Variants in SORCS3 observed in about 807,000 individuals in gnomAD.
SORCS3 encodes the protein VPS10 domain-containing receptor SorCS3.
SORCS3 carries 57 observed loss-of-function variants against 146.3 expected under a neutral mutation model. That is an observed-to-expected ratio of 0.39 (90% CI 0.31 to 0.49). SORCS3 has a LOEUF of 0.49. SORCS3 is among the 20% of genes least tolerant of loss of function. The pLI is 0.92. For synonymous variants in SORCS3, 653 were observed against 618.5 expected, an observed-to-expected ratio of 1.06 and a Z score of -0.83; for missense variants, 1,341 against 1,575.5, an observed-to-expected ratio of 0.85 and a Z score of 2.52.
chr10:104,730,351 C>T (rs2016692038), intron 1 of SORCS3, among the ~76,000 whole-genome samples: 1 of 152,200 alleles, frequency 6.6e-6, no homozygotes, highest in Admixed American at 6.5e-5. Flanking sequence ...TGATCTTCTG[C>T]CTCCCCGTCT....
intron 4 of SORCS3, among the ~76,000 whole-genome samples, chr10:104,999,729 C>A (rs2055049599): frequency 6.6e-6 from 1 of 152,162 alleles, no homozygotes; most frequent in Admixed American, 6.6e-5. Flanking sequence ...CAGACACATA[C>A]AAAGAGTTTG....
At chr10:105,036,367 T>C (rs2055306779) in intron 4 of SORCS3, among the ~76,000 whole-genome samples, 1 of 152,150 alleles carries the variant, frequency 6.6e-6, no homozygotes, top group Non-Finnish European at 1.5e-5. Context: ...TTTCTTCCCA[T>C]CTAAGTTTTG....
In SORCS3 at chr10:105,214,704, T is replaced by C. The variant is rs2056655214; in HGVS notation, c.2547+91T>C. On this transcript the variant is annotated intron_variant, in intron 18 of 26. Transcript: ENST00000369701. ...AAGATCTTACATTCCCACAGACCCC[T>C]GCACCAAAGTCAATGGTGAGAAGCT... 3.2e-6 allele frequency: 4 copies of C among 1,235,462 alleles called. No homozygotes were observed. In the Admixed American group the frequency reaches 8.5e-5, roughly 26 times the overall value. 76.5% of individuals were successfully genotyped at this position (1,235,462 alleles called of 1,614,324 possible). A position where few individuals can be genotyped will look rare whatever the true frequency, so the allele number is the denominator to read the frequency against.
chr10:104,981,876 T>C (rs1180169222), intron 4 of SORCS3, among the ~76,000 whole-genome samples: 1 of 152,148 alleles, frequency 6.6e-6, no homozygotes, highest in African/African-American at 2.4e-5. Flanking sequence ...AATGAAACTT[T>C]AACAGATACA....
chr10:104,802,675 C>T (rs1486886366), intron 1 of SORCS3, among the ~76,000 whole-genome samples: 1 of 152,174 alleles, frequency 6.6e-6, no homozygotes, highest in Non-Finnish European at 1.5e-5. Flanking sequence ...AAAAATGAAA[C>T]ATAAACAGAA....
intron 4 of SORCS3, among the ~76,000 whole-genome samples, chr10:105,038,653 C>G (rs181613239): frequency 1.1e-4 from 17 of 151,918 alleles, no homozygotes; most frequent in African/African-American, 2.7e-4. Context: ...ATAAATTACC[C>G]GTAATCTCAC....
chr10:104,910,400 T>C (rs1298779605), intron 2 of SORCS3, among the ~76,000 whole-genome samples: 1 of 152,222 alleles, frequency 6.6e-6, no homozygotes, highest in African/African-American at 2.4e-5. Flanking sequence ...ATGTTTGTTG[T>C]AACATTGTTT....
chr10:105,183,452 T>A (rs1219176890), intron 14 of SORCS3, among the ~76,000 whole-genome samples: 1 of 152,296 alleles, frequency 6.6e-6, no homozygotes, highest in East Asian at 1.9e-4. Context: ...AATACAGCCT[T>A]AGCACAACGC....
chr10:104,738,727 A>G (rs962070040), intron 1 of SORCS3, among the ~76,000 whole-genome samples: 3 of 152,200 alleles, frequency 2.0e-5, no homozygotes, highest in African/African-American at 7.2e-5. Context: ...CAGGTCACAG[A>G]CAAAGTTGGG....
At chr10:105,124,817 C>G (rs531826982) in intron 7 of SORCS3, among the ~76,000 whole-genome samples, 1 of 152,110 alleles carries the variant, frequency 6.6e-6, no homozygotes, top group Non-Finnish European at 1.5e-5. Flanking sequence ...AAAATGTTCT[C>G]GGAAGAGACG....
At chr10:104,800,719 A>C (rs1192135993) in intron 1 of SORCS3, among the ~76,000 whole-genome samples, 2 of 152,224 alleles carry the variant, frequency 1.3e-5, no homozygotes, top group Non-Finnish European at 2.9e-5. Flanking sequence ...AGTCCTAGAG[A>C]ATCCAAATAT....
chr10:105,157,347 G>A (rs878913423), intron 10 of SORCS3, 63 bp downstream of exon 10: 17 of 1,591,362 alleles, frequency 1.1e-5, no homozygotes, highest in Admixed American at 1.0e-4. Flanking sequence ...AAGCTGTGTC[G>A]AGGGCTTTGT....
intron 7 of SORCS3, among the ~76,000 whole-genome samples, chr10:105,137,450 A>T (rs973710341): frequency 7.9e-5 from 12 of 152,056 alleles, no homozygotes; most frequent in Admixed American, 5.9e-4. Flanking sequence ...AAGACACCGA[A>T]TTGTACAGTT....
At chr10:104,805,661 A>G (rs2017672269) in intron 1 of SORCS3, among the ~76,000 whole-genome samples, 1 of 152,084 alleles carries the variant, frequency 6.6e-6, no homozygotes, top group Non-Finnish European at 1.5e-5. Context: ...TGATGGTGGG[A>G]TCTAGGGACA....
chr10:104,808,757 GAA>G (rs1467065671), intron 1 of SORCS3, among the ~76,000 whole-genome samples: 2 of 152,162 alleles, frequency 1.3e-5, no homozygotes, highest in African/African-American at 4.8e-5. Context: ...TTATTCTACT[GAA>G]TACTTTGATG....
In SORCS3 at chr10:104,963,929, C is replaced by T. The variant is rs544961380; in HGVS notation, c.796-13406C>T. Among the ~76,000 whole-genome samples the T allele has an allele frequency of 5.3e-5, 8 of 152,252 alleles. No individual in the cohort carries two copies. In the East Asian group the frequency reaches 1.5e-3, roughly 29 times the overall value. ...TCACCTCACTTTCTCTGACACTCTA[C>T]ATCTAATCTGTAAGCAGACCTTTTT... is the stretch of plus-strand genomic sequence containing the variant. On this transcript the variant is annotated intron_variant, in intron 3 of 26. Transcript: ENST00000369701.
intron 16 of SORCS3, among the ~76,000 whole-genome samples, chr10:105,209,077 T>A (rs1270244223): frequency 6.6e-6 from 1 of 152,176 alleles, no homozygotes; most frequent in Non-Finnish European, 1.5e-5. Flanking sequence ...CATTGTAGCA[T>A]CAGTTATGGG....
chr10:105,033,560 C>T (rs1488430424), intron 4 of SORCS3, among the ~76,000 whole-genome samples: 1 of 152,156 alleles, frequency 6.6e-6, no homozygotes, highest in Non-Finnish European at 1.5e-5. Flanking sequence ...CTAGGAACTT[C>T]TATTCTACTT....
intron 2 of SORCS3, among the ~76,000 whole-genome samples, chr10:104,880,891 A>C (rs889467757): frequency 1.2e-4 from 19 of 152,186 alleles, no homozygotes; most frequent in African/African-American, 4.1e-4. Flanking sequence ...TGGGACTTCA[A>C]AACTGTGTGT....
Sources: gnomAD v4.1 joint callset for allele counts (sites outside exome capture counted in the v4.1 genomes callset) on GRCh38, gnomAD v4.1.1 for gene constraint, MANE v1.5 for transcripts, NCBI Gene and HGNC (gene_info 2026-07-23, HGNC 2026-07-21) for gene names.